EHF: variants seen among roughly 807,000 people sequenced by gnomAD.
The protein encoded by EHF is ESE3 transcription factor.
A neutral mutation model predicts 45.1 loss-of-function variants in EHF; 14 were observed. The ratio of observed to expected loss-of-function variants is 0.31; its 90% CI spans 0.21 to 0.49. The LOEUF is 0.49. Among genes scored for constraint, EHF ranks in the 20% least tolerant of loss-of-function variants. EHF has a pLI of 0.99. For missense variants in EHF, 282 were observed against 371.4 expected (o/e 0.76, Z 1.98); for synonymous variants, 136 against 131.8 (o/e 1.03, Z -0.22).
At chr11:34,651,691 G>A (rs753185256) in intron 5 of EHF, 46 bp from the exon 6 acceptor site, 1 of 1,609,940 alleles carries the variant, frequency 6.2e-7, no homozygotes, top group African/African-American at 1.3e-5. Flanking sequence ...TTGTGAGGTG[G>A]GGGGAGGGGG....
rs539827199 is a variant in EHF at position 34,659,068 on chromosome 11, C to T, written c.*137C>T. On this transcript the variant is annotated 3_prime_UTR_variant, in exon 9 of 9. Coordinates refer to ENST00000257831, the MANE Select transcript of EHF (RefSeq NM_012153.6). ...GAGGGGAACAAGAAACTACTTCTAACGGGAAGAAGAAACACTACGGTCGAT... is the reference window on the plus strand; with the variant it reads ...GAGGGGAACAAGAAACTACTTCTAATGGGAAGAAGAAACACTACGGTCGAT... 41 of 644,314 alleles carry T rather than the reference C, an allele frequency of 6.4e-5. No homozygotes were observed. The highest frequency in any genetic ancestry group is 9.0e-5 in the Non-Finnish European group (35 of 389,074). 39.9% of individuals were successfully genotyped at this position (644,314 alleles called of 1,614,324 possible).
At chr11:34,624,710 G>C (rs1852220905) in intron 1 of EHF, among the ~76,000 whole-genome samples, 1 of 152,138 alleles carries the variant, frequency 6.6e-6, no homozygotes, top group Non-Finnish European at 1.5e-5. Context: ...GAAATTTCCA[G>C]GGATCCCTCA....
intron 1 of EHF, among the ~76,000 whole-genome samples, chr11:34,625,832 C>T (rs777023364): frequency 2.4e-4 from 37 of 151,952 alleles, no homozygotes; most frequent in Non-Finnish European, 4.3e-4. Context: ...TCTCACCACA[C>T]ACCCTGGCCT....
intron 2 of EHF, 66 bp downstream of exon 2, chr11:34,642,793 C>A: frequency 1.7e-6 from 2 of 1,176,426 alleles, no homozygotes; most frequent in South Asian, 1.3e-5. Flanking sequence ...TAATTCCTCT[C>A]ACAACCTAAT....
intron 4 of EHF, 48 bp from the exon 5 acceptor site, chr11:34,651,494 C>A (rs1403863834): frequency 1.3e-6 from 2 of 1,522,234 alleles, no homozygotes; most frequent in Admixed American, 3.4e-5. Context: ...GCCTCTTCTC[C>A]CTGGGGAAAA....
intron 1 of EHF, among the ~76,000 whole-genome samples, chr11:34,641,660 A>T (rs1190563873): frequency 1.3e-5 from 2 of 152,204 alleles, no homozygotes; most frequent in Non-Finnish European, 2.9e-5. Flanking sequence ...CCCAATAGCG[A>T]TCTGGAAACA....
At chr11:34,639,594 A>C (rs1024095029) in intron 1 of EHF, among the ~76,000 whole-genome samples, 1 of 152,266 alleles carries the variant, frequency 6.6e-6, no homozygotes, top group Non-Finnish European at 1.5e-5. Flanking sequence ...TCATGTGCCC[A>C]CCCTGAGGAC....
rs1450942119 is a variant in EHF, at chr11:34,661,898, T to C, written c.*2967T>C. Among the ~76,000 whole-genome samples the C allele has an allele frequency of 1.3e-5, 2 of 152,170 alleles. No homozygotes were observed. Among genetic ancestry groups the C allele is most frequent in the African/African-American group, 4.8e-5 (2 of 41,470 alleles). ...GAACATGAGGCAGCAAATCTATTGC[T>C]AAGACTTTACCAGGCTCAAATCATC... is the stretch of plus-strand genomic sequence containing the variant. On this transcript the variant is annotated 3_prime_UTR_variant, in exon 9 of 9. Transcript: ENST00000257831.
At chr11:34,634,228 G>A (rs113760581) in intron 1 of EHF, among the ~76,000 whole-genome samples, 3 of 152,008 alleles carry the variant, frequency 2.0e-5, no homozygotes, top group Admixed American at 6.6e-5. Flanking sequence ...CCTTTGAAAC[G>A]ACAGTCATAT....
At position 34,637,971 on chromosome 11, in the gene EHF, G is replaced by A. The variant is rs571907668; in HGVS notation, c.-3-4657G>A. 4.8e-3 allele frequency among the ~76,000 whole-genome samples: 724 copies of A among 150,526 alleles called. 9 individuals carry two copies. Among genetic ancestry groups the A allele is most frequent in the African/African-American group, 0.017 (685 of 40,954 alleles). ...GGCTGGAGTACAGTGGCTCGAGCTCGGCTCGCTGCAACCTCTGACTCCTGG... is the reference window on the plus strand; with the variant it reads ...GGCTGGAGTACAGTGGCTCGAGCTCAGCTCGCTGCAACCTCTGACTCCTGG... On this transcript the variant is annotated intron_variant, in intron 1 of 8. Coordinates refer to ENST00000257831, the MANE Select transcript of EHF (RefSeq NM_012153.6).
chr11:34,646,871 G>A, intron 3 of EHF, 187 bp downstream of exon 3: 2 of 706,588 alleles, frequency 2.8e-6, no homozygotes, highest in Admixed American at 2.9e-5. Context: ...GGTACCTGGT[G>A]TGCCTAATCC....
At chr11:34,653,866 G>A (rs1223464891) in intron 6 of EHF, among the ~76,000 whole-genome samples, 6 of 152,214 alleles carry the variant, frequency 3.9e-5, no homozygotes, top group African/African-American at 7.2e-5. Context: ...GAGGCCCAGC[G>A]TAAACTGATG....
intron 2 of EHF, 142 bp from the exon 3 acceptor site, chr11:34,646,297 C>A: frequency 7.4e-7 from 1 of 1,346,992 alleles, no homozygotes; most frequent in Non-Finnish European, 1.0e-6. Context: ...AAATGCACTT[C>A]TGCTCCATCA....
intron 1 of EHF, among the ~76,000 whole-genome samples, chr11:34,637,720 A>G (rs1271381554): frequency 1.3e-5 from 2 of 152,094 alleles, no homozygotes; most frequent in East Asian, 1.9e-4. Flanking sequence ...CTGCCCCACA[A>G]CTGTGAGTCT....
chr11:34,637,703 T>C (rs1013960838), intron 1 of EHF, among the ~76,000 whole-genome samples: 1 of 152,058 alleles, frequency 6.6e-6, no homozygotes, highest in African/African-American at 2.4e-5. Context: ...AAATAAAGAG[T>C]ACGATTCTGC....
intron 1 of EHF, chr11:34,624,399 C>T: frequency 3.9e-6 from 3 of 771,320 alleles, no homozygotes; most frequent in Non-Finnish European, 4.7e-6. Flanking sequence ...TCTCTTAAAT[C>T]TCTTGCTCTA....
At chr11:34,651,882 T>A (rs1325586677) in intron 6 of EHF, 77 bp downstream of exon 6, 3 of 1,352,380 alleles carry the variant, frequency 2.2e-6, no homozygotes, top group Non-Finnish European at 3.1e-6. Context: ...ACACTCTACA[T>A]TTCTGCCTTT....
chr11:34,656,887 G>A (rs200618929), intron 6 of EHF, 21 bp from the exon 7 acceptor site: 62 of 1,612,048 alleles, frequency 3.8e-5, no homozygotes, highest in East Asian at 2.9e-4. Flanking sequence ...TCAATTAAAC[G>A]CCTCTCATTT....
intron 3 of EHF, 130 bp from the exon 4 acceptor site, chr11:34,648,889 T>A (rs1246650423): frequency 2.4e-6 from 2 of 829,378 alleles, no homozygotes; most frequent in East Asian, 5.2e-5. Context: ...CCACCTCCCA[T>A]AAACAAACAT....
Sources: allele counts gnomAD v4.1 joint callset (sites outside exome capture counted in the v4.1 genomes callset), GRCh38; gene constraint gnomAD v4.1.1; transcripts MANE v1.5; gene names NCBI Gene and HGNC (gene_info 2026-07-23, HGNC 2026-07-21).